ERCC6L2: variants seen among roughly 807,000 people sequenced by gnomAD.
ERCC6L2 encodes the protein ERCC excision repair 6 like 2.
In ERCC6L2, 77 loss-of-function variants were observed where a neutral mutation model predicts 132.0. That is an observed-to-expected ratio of 0.58 (90% confidence interval 0.49 to 0.71). The LOEUF is 0.71. ERCC6L2 is among the 30% of genes least tolerant of loss of function. ERCC6L2 has a pLI of 0.00. For missense variants in ERCC6L2, 1,542 were observed against 1,837.6 expected (o/e 0.84, Z 2.94); for synonymous variants, 583 against 632.4 (o/e 0.92, Z 1.17).
intron 13 of ERCC6L2, among the ~76,000 whole-genome samples, chr9:95,965,642 A>G (rs1047717584): frequency 6.6e-6 from 1 of 152,016 alleles, no homozygotes; most frequent in Non-Finnish European, 1.5e-5. Flanking sequence ...AGTAGCTGGG[A>G]TTACAGGCAC....
rs113638363 is a variant in ERCC6L2 at position 95,915,079 on chromosome 9, T to C, written c.789-589T>C. Among the ~76,000 whole-genome samples, 663 of 152,376 alleles carry C rather than the reference T, an allele frequency of 4.4e-3. 6 individuals are homozygous for C. The highest frequency in any genetic ancestry group is 7.0e-3 in the Non-Finnish European group (474 of 68,034). Reference sequence around the variant, plus strand: ...GGCTGGCGTCTCTATTCTTTGGACATATTCGCATTTGTCTTTAGATACATC... The same window carrying C: ...GGCTGGCGTCTCTATTCTTTGGACACATTCGCATTTGTCTTTAGATACATC... On this transcript the variant is annotated intron_variant, in intron 4 of 18. Transcript: ENST00000653738.
intron 11 of ERCC6L2, among the ~76,000 whole-genome samples, chr9:95,940,353 A>T (rs1029787468): frequency 2.6e-5 from 4 of 152,044 alleles, no homozygotes; most frequent in African/African-American, 4.8e-5. Context: ...ATATATATAT[A>T]TTTTTATAGT....
At chr9:95,890,906 C>G (rs1564197255) in intron 2 of ERCC6L2, among the ~76,000 whole-genome samples, 2 of 152,142 alleles carry the variant, frequency 1.3e-5, no homozygotes, top group Admixed American at 1.3e-4. Flanking sequence ...TGAGCTTGCC[C>G]GCTTCTGCCT....
At position 96,015,023 on chromosome 9, in the gene ERCC6L2, T is replaced by TG. The variant is rs1564306602; in HGVS notation, c.*1820_*1821insG. Among the ~76,000 whole-genome samples the TG allele has an allele frequency of 8.1e-6, 1 of 123,704 alleles. No individual in the cohort carries two copies. The highest frequency in any genetic ancestry group is 3.4e-5 in the African/African-American group (1 of 29,116). 81.2% of individuals were successfully genotyped at this position (123,704 alleles called of 152,430 possible). On this transcript the variant is annotated 3_prime_UTR_variant, in exon 19 of 19. Transcript: ENST00000653738. Reference sequence around the variant, plus strand: ...GTCTTCATATATGTACAGTTTTTTTTTTTTTTTTTTTTTTTTTGAGATTGA... The same window carrying TG: ...GTCTTCATATATGTACAGTTTTTTTTGTTTTTTTTTTTTTTTTTGAGATTGA...
chr9:95,957,854 A>G (rs1831687155), intron 13 of ERCC6L2, among the ~76,000 whole-genome samples: 1 of 151,396 alleles, frequency 6.6e-6, no homozygotes, highest in South Asian at 2.1e-4. Context: ...TTGGGGAAAA[A>G]AAATCCAAAA....
intron 17 of ERCC6L2, among the ~76,000 whole-genome samples, chr9:95,990,036 G>T (rs1489966178): frequency 6.6e-6 from 1 of 152,148 alleles, no homozygotes; most frequent in Non-Finnish European, 1.5e-5. Context: ...GCACATAGGG[G>T]GTTAAGAACA....
chr9:96,012,402 T>G lies in ERCC6L2; in HGVS notation c.3852T>G (p.Ser1284=). ...FVDSVSQFNN[S]SFEKGEQRTR... is the part of the protein sequence containing the mutation. Reference sequence around the variant, plus strand: ...ATTCTGTGTCACAATTCAACAATTCTTCCTTTGAGAAAGGAGAGCAGCGCA... The same window carrying G: ...ATTCTGTGTCACAATTCAACAATTCGTCCTTTGAGAAAGGAGAGCAGCGCA... Residue 1284 remains serine, a synonymous_variant, in exon 19 of 19, where the codon TCT becomes TCG. Transcript: ENST00000653738. The G allele has an allele frequency of 7.3e-7, 1 of 1,361,294 alleles. No homozygotes were observed. The allele number at this position is 1,361,294 out of a possible 1,614,324, so 84.3% of individuals were successfully genotyped here. A position where few individuals can be genotyped will look rare whatever the true frequency, so the allele number is the denominator to read the frequency against.
chr9:95,890,067 C>T (rs1828078135), intron 2 of ERCC6L2, among the ~76,000 whole-genome samples: 1 of 152,192 alleles, frequency 6.6e-6, no homozygotes, highest in East Asian at 1.9e-4. Flanking sequence ...TCCTTCAACA[C>T]ATCTCCTAAC....
chr9:95,995,687 C>CT (rs766104132), intron 17 of ERCC6L2, among the ~76,000 whole-genome samples: 1 of 152,184 alleles, frequency 6.6e-6, no homozygotes, highest in African/African-American at 2.4e-5. Flanking sequence ...CTTTGTGTCT[C>CT]TGAGTCACAT....
chr9:95,989,772 C>G (rs1345405481), intron 17 of ERCC6L2, among the ~76,000 whole-genome samples: 1 of 152,184 alleles, frequency 6.6e-6, no homozygotes, highest in African/African-American at 2.4e-5. Flanking sequence ...TATGAGATGA[C>G]ATAAAATCTT....
chr9:96,019,517 A>G (rs908113514), downstream of ERCC6L2, among the ~76,000 whole-genome samples: 2 of 151,988 alleles, frequency 1.3e-5, no homozygotes, highest in African/African-American at 2.4e-5. Flanking sequence ...TCCTGAATCG[A>G]CAGCTCCCTC....
At chr9:95,917,086 A>G (rs113735566) in intron 6 of ERCC6L2, among the ~76,000 whole-genome samples, 1 of 152,172 alleles carries the variant, frequency 6.6e-6, no homozygotes, top group Admixed American at 6.5e-5. Context: ...ACTGTGTACT[A>G]TCCACCACAC....
intron 17 of ERCC6L2, among the ~76,000 whole-genome samples, chr9:96,000,763 A>G (rs1833640218): frequency 6.6e-6 from 1 of 152,218 alleles, no homozygotes; most frequent in Non-Finnish European, 1.5e-5. Context: ...TCTGGGCGAC[A>G]TAGCAAGACC....
intron 4 of ERCC6L2, among the ~76,000 whole-genome samples, chr9:95,908,251 T>A (rs1225531494): frequency 6.6e-6 from 1 of 152,152 alleles, no homozygotes; most frequent in Non-Finnish European, 1.5e-5. Flanking sequence ...TCTCTTTGAT[T>A]AAGTTTTAAA....
chr9:95,997,880 T>C (rs947315998), intron 17 of ERCC6L2, among the ~76,000 whole-genome samples: 1 of 152,258 alleles, frequency 6.6e-6, no homozygotes, highest in Non-Finnish European at 1.5e-5. Flanking sequence ...TAATAAGTTA[T>C]AATTGTCACT....
At chr9:95,902,757 T>G (rs1828843367) in intron 3 of ERCC6L2, among the ~76,000 whole-genome samples, 1 of 152,146 alleles carries the variant, frequency 6.6e-6, no homozygotes, top group African/African-American at 2.4e-5. Flanking sequence ...TTTAAAATTT[T>G]TATCTTGCTT....
intron 19 of ERCC6L2, among the ~76,000 whole-genome samples, chr9:96,033,289 A>G (rs1198326670): frequency 6.6e-6 from 1 of 150,674 alleles, no homozygotes; most frequent in East Asian, 2.0e-4. Context: ...CTTGTTGCCC[A>G]GGCTGGAGTG....
In ERCC6L2 at chr9:96,004,579, G is replaced by A. The variant is rs12683634; in HGVS notation, c.3552G>A (p.Pro1184=). 59 of 1,311,618 alleles carry A rather than the reference G, an allele frequency of 4.5e-5. No individual in the cohort carries two copies. The Admixed American group carries it at 7.9e-4, about 18-fold the overall frequency. The allele number at this position is 1,311,618 out of a possible 1,614,324, so 81.2% of individuals were successfully genotyped here. A position where few individuals can be genotyped will look rare whatever the true frequency, so the allele number is the denominator to read the frequency against. The change falls in exon 18 of 19, where the codon CCG becomes CCA. Residue 1184 remains proline (P), a synonymous_variant. Transcript: ENST00000653738. ...TLPHTKKGQQ[P]SEGSISLPLY... ...CACACACAAAGAAAGGCCAGCAACC[G>A]AGTGAAGGCAGCATTTCACTTCCTC...
downstream of ERCC6L2, among the ~76,000 whole-genome samples, chr9:96,022,850 T>TAGGAA (rs1834314001): frequency 6.6e-6 from 1 of 152,088 alleles, no homozygotes; most frequent in Non-Finnish European, 1.5e-5. Context: ...CCGCCTCTGC[T>TAGGAA]TTCCTGGAGA....
Sources: gnomAD v4.1 joint callset for allele counts (sites outside exome capture counted in the v4.1 genomes callset) on GRCh38, gnomAD v4.1.1 for gene constraint, MANE v1.5 for transcripts, NCBI Gene and HGNC (gene_info 2026-07-23, HGNC 2026-07-21) for gene names.